Variants in SH3RF3 observed in about 807,000 individuals in gnomAD.
SH3RF3 encodes the protein SH3 domain containing ring finger 3.
SH3RF3 carries 29 observed loss-of-function variants against 66.3 expected under a neutral mutation model. The observed-to-expected ratio is 0.44, with a 90% CI of 0.33 to 0.60. SH3RF3 has a LOEUF of 0.60. Ranked by LOEUF, SH3RF3 falls within the 20% of genes least tolerant of loss-of-function variation. SH3RF3 has a pLI of 0.04. For synonymous variants in SH3RF3, 583 were observed against 532.0 expected (o/e 1.10, Z -1.32); for missense variants, 1,194 against 1,190.9 (o/e 1.00, Z -0.04).
At chr2:109,482,060 G>A (rs977117858) in intron 8 of SH3RF3, among the ~76,000 whole-genome samples, 4 of 152,280 alleles carry the variant, frequency 2.6e-5, no homozygotes, top group East Asian at 1.9e-4. Context: ...TAATTTTCAC[G>A]ATAAGGCAGT....
intron 1 of SH3RF3, among the ~76,000 whole-genome samples, chr2:109,344,786 G>A (rs1682646749): frequency 6.6e-6 from 1 of 152,162 alleles, no homozygotes; most frequent in Admixed American, 6.5e-5. Flanking sequence ...TTGCCGAGCA[G>A]CTGAGTGGGG....
intron 3 of SH3RF3, among the ~76,000 whole-genome samples, chr2:109,379,553 A>G (rs1208075579): frequency 6.6e-6 from 1 of 152,236 alleles, no homozygotes; most frequent in African/African-American, 2.4e-5. Flanking sequence ...TGAAGGAAAA[A>G]TACTCAGGGA....
rs149514877 is a variant in SH3RF3, at chr2:109,363,463, A to G, written c.850-8123A>G. Among the ~76,000 whole-genome samples the G allele has an allele frequency of 2.6e-5, 4 of 152,368 alleles. No homozygotes were observed. The East Asian group carries it at 7.7e-4, about 29-fold the overall frequency. ...ACACACATAAGCATAAAATGATCAA[A>G]TACATTGTTTTTATTTTAAACAGTT... On this transcript the variant is annotated intron_variant, in intron 2 of 9. Coordinates refer to ENST00000309415, the MANE Select transcript of SH3RF3 (RefSeq NM_001099289.3).
chr2:109,348,202 T>A (rs1279996644), intron 2 of SH3RF3, among the ~76,000 whole-genome samples: 2 of 152,102 alleles, frequency 1.3e-5, no homozygotes, highest in African/African-American at 4.8e-5. Context: ...CATAGGAGCT[T>A]GAGATAATAT....
At chr2:109,335,403 C>G (rs1299995432) in intron 1 of SH3RF3, among the ~76,000 whole-genome samples, 1 of 152,206 alleles carries the variant, frequency 6.6e-6, no homozygotes, top group East Asian at 1.9e-4. Flanking sequence ...TCCACAGCCC[C>G]TACCCTGGGA....
intron 2 of SH3RF3, among the ~76,000 whole-genome samples, chr2:109,356,865 GC>G (rs988678452): frequency 6.6e-6 from 1 of 151,992 alleles, no homozygotes; most frequent in African/African-American, 2.4e-5. Flanking sequence ...CATGATCACG[GC>G]CCCCACAGCG....
intron 3 of SH3RF3, among the ~76,000 whole-genome samples, chr2:109,375,591 G>A (rs1683363818): frequency 6.6e-6 from 1 of 152,256 alleles, no homozygotes; most frequent in Non-Finnish European, 1.5e-5. Flanking sequence ...TGTTCTAAGG[G>A]GAGTGAGGAT....
chr2:109,140,779 G>A (rs1211431515), intron 1 of SH3RF3, among the ~76,000 whole-genome samples: 1 of 152,224 alleles, frequency 6.6e-6, no homozygotes, highest in Non-Finnish European at 1.5e-5. Flanking sequence ...TATGCAATAT[G>A]ATTGATGTTA....
chr2:109,195,714 TG>T (rs1678482732), intron 1 of SH3RF3, among the ~76,000 whole-genome samples: 1 of 152,220 alleles, frequency 6.6e-6, no homozygotes, highest in African/African-American at 2.4e-5. Context: ...TTATTTTTTT[TG>T]GTACTCATTT....
intron 1 of SH3RF3, among the ~76,000 whole-genome samples, chr2:109,339,055 G>A (rs1193418982): frequency 1.3e-5 from 2 of 152,150 alleles, no homozygotes; most frequent in Admixed American, 1.3e-4. Flanking sequence ...CTCATTAAGT[G>A]GAAGTGGATC....
intron 1 of SH3RF3, among the ~76,000 whole-genome samples, chr2:109,136,888 A>T (rs191619047): frequency 8.9e-4 from 135 of 152,202 alleles, no homozygotes; most frequent in African/African-American, 3.1e-3. Flanking sequence ...TGAGAGCAAG[A>T]CCTCACCAGA....
At chr2:109,467,979 C>T (rs1678403254) in intron 8 of SH3RF3, among the ~76,000 whole-genome samples, 1 of 152,228 alleles carries the variant, frequency 6.6e-6, no homozygotes, top group Non-Finnish European at 1.5e-5. Flanking sequence ...GCAGAGAGAC[C>T]CTGGAGGACC....
At chr2:109,404,946 G>A (rs969148177) in intron 4 of SH3RF3, among the ~76,000 whole-genome samples, 20 of 151,962 alleles carry the variant, frequency 1.3e-4, no homozygotes, top group African/African-American at 4.8e-4. Flanking sequence ...TCTTTCCAGT[G>A]GAGCCCCGTC....
intron 1 of SH3RF3, among the ~76,000 whole-genome samples, chr2:109,281,323 G>A (rs1481408995): frequency 1.3e-5 from 2 of 152,132 alleles, no homozygotes; most frequent in East Asian, 1.9e-4. Flanking sequence ...TTCCTTCCCC[G>A]GGCCCCCTCC....
At chr2:109,343,720 C>G (rs1225318574) in intron 1 of SH3RF3, among the ~76,000 whole-genome samples, 1 of 151,114 alleles carries the variant, frequency 6.6e-6, no homozygotes, top group Non-Finnish European at 1.5e-5. Context: ...GCCCCTGCTT[C>G]TGCCCTGCTC....
intron 8 of SH3RF3, among the ~76,000 whole-genome samples, chr2:109,486,601 C>A (rs887070516): frequency 6.6e-6 from 1 of 152,174 alleles, no homozygotes; most frequent in Non-Finnish European, 1.5e-5. Flanking sequence ...AGCAGCTCAG[C>A]GAGGCAGATG....
intron 1 of SH3RF3, among the ~76,000 whole-genome samples, chr2:109,222,495 A>G (rs1558966589): frequency 7.0e-6 from 1 of 143,568 alleles, no homozygotes; most frequent in African/African-American, 2.9e-5. Context: ...TCCTCCAAAA[A>G]AATAAAAAGA....
intron 1 of SH3RF3, among the ~76,000 whole-genome samples, chr2:109,271,714 A>G (rs1014202053): frequency 6.6e-6 from 1 of 152,212 alleles, no homozygotes; most frequent in Non-Finnish European, 1.5e-5. Context: ...CCCTCTGCCA[A>G]TTCACTGCCT....
intron 1 of SH3RF3, among the ~76,000 whole-genome samples, chr2:109,331,214 C>T (rs944939305): frequency 2.0e-4 from 31 of 152,106 alleles, no homozygotes; most frequent in South Asian, 4.1e-4. Flanking sequence ...TTTCTTGAAG[C>T]TGAAATTTCC....
Sources: allele counts gnomAD v4.1 joint callset (sites outside exome capture counted in the v4.1 genomes callset), GRCh38; gene constraint gnomAD v4.1.1; transcripts MANE v1.5; gene names NCBI Gene and HGNC (gene_info 2026-07-23, HGNC 2026-07-21).